Variants in COL11A1 observed in about 807,000 individuals in gnomAD.
The protein encoded by COL11A1 is collagen type XI alpha 1 chain.
A neutral mutation model predicts 265.2 loss-of-function variants in COL11A1; 74 were observed. The ratio of observed to expected loss-of-function variants is 0.28; its 90% CI spans 0.23 to 0.34. COL11A1 has a LOEUF of 0.34. Ranked by LOEUF, COL11A1 falls within the 10% of genes least tolerant of loss-of-function variation. The pLI is 1.00. For synonymous variants in COL11A1, 816 were observed against 727.6 expected (o/e 1.12, Z -1.96); for missense variants, 2,165 against 2,263.6 (o/e 0.96, Z 0.88).
chr1:102,954,673 C>T (rs191153873), intron 41 of COL11A1, among the ~76,000 whole-genome samples: 82 of 152,180 alleles, frequency 5.4e-4, no homozygotes, highest in South Asian at 2.9e-3. Flanking sequence ...AGTGAAACCC[C>T]GTTTCTACGA....
At chr1:102,962,422 C>T (rs1358242979) in intron 39 of COL11A1, among the ~76,000 whole-genome samples, 157 bp from the exon 40 acceptor site, 1 of 152,158 alleles carries the variant, frequency 6.6e-6, no homozygotes, top group East Asian at 1.9e-4. Flanking sequence ...AAATGAACTA[C>T]CCACTACCTA....
intron 4 of COL11A1, among the ~76,000 whole-genome samples, chr1:103,070,045 T>C (rs967285278): frequency 3.3e-5 from 5 of 151,440 alleles, no homozygotes; most frequent in African/African-American, 9.7e-5. Flanking sequence ...AAATAACCCA[T>C]GCATTCCACA....
chr1:102,959,156 T>G (rs527344470), intron 41 of COL11A1, among the ~76,000 whole-genome samples: 9 of 152,324 alleles, frequency 5.9e-5, no homozygotes, highest in African/African-American at 2.2e-4. Context: ...AGATTTGTTT[T>G]CTTAAAACTT....
chr1:103,090,800 A>G (rs1255907953), intron 1 of COL11A1, among the ~76,000 whole-genome samples: 2 of 152,148 alleles, frequency 1.3e-5, no homozygotes, highest in South Asian at 4.1e-4. Context: ...TAGAGCTATA[A>G]TTAAATTGAT....
chr1:102,902,839 TAC>T (rs576817406), intron 54 of COL11A1, among the ~76,000 whole-genome samples: 1 of 149,826 alleles, frequency 6.7e-6, no homozygotes, highest in African/African-American at 2.4e-5. Context: ...TATATATATA[TAC>T]ACACACATAG....
chr1:102,908,221 T>A (rs1654225687), intron 54 of COL11A1, among the ~76,000 whole-genome samples: 1 of 152,140 alleles, frequency 6.6e-6, no homozygotes, highest in Non-Finnish European at 1.5e-5. Flanking sequence ...TTGGCATATT[T>A]TTTTCTATTG....
At chr1:103,042,534 G>A (rs938079381) in intron 4 of COL11A1, among the ~76,000 whole-genome samples, 27 of 151,974 alleles carry the variant, frequency 1.8e-4, no homozygotes, top group Non-Finnish European at 2.5e-4. Context: ...AGACTCTCCC[G>A]CAGGTTGGTT....
intron 4 of COL11A1, among the ~76,000 whole-genome samples, chr1:103,060,819 G>A (rs1670619564): frequency 6.6e-6 from 1 of 151,976 alleles, no homozygotes. Context: ...AAAAGAATCA[G>A]CCAGGCATGG....
intron 28 of COL11A1, among the ~76,000 whole-genome samples, chr1:102,991,253 T>C (rs1407068625): frequency 6.6e-6 from 1 of 152,182 alleles, no homozygotes; most frequent in South Asian, 2.1e-4. Flanking sequence ...TTTGATTTGA[T>C]AATTTCAGAA....
intron 18 of COL11A1, 67 bp downstream of exon 18, chr1:103,005,771 C>A (rs1306743441): frequency 4.4e-6 from 7 of 1,583,518 alleles, no homozygotes; most frequent in Non-Finnish European, 1.7e-6. Context: ...TCTGATTTTG[C>A]AAATTGTTAT....
intron 48 of COL11A1, among the ~76,000 whole-genome samples, chr1:102,921,249 TAC>T (rs1036920864): frequency 6.6e-6 from 1 of 152,176 alleles, no homozygotes; most frequent in Non-Finnish European, 1.5e-5. Flanking sequence ...AATTTTAATA[TAC>T]ACAACATTAT....
intron 46 of COL11A1, among the ~76,000 whole-genome samples, chr1:102,924,070 AAT>A (rs1294430770): frequency 1.3e-5 from 2 of 149,760 alleles, no homozygotes; most frequent in African/African-American, 5.0e-5. Flanking sequence ...AAAAAAAAAA[AAT>A]TAGCCGGGCG....
Position 103,003,201 on chromosome 1 carries a change from C to T in COL11A1, c.1998+14G>A, listed in dbSNP as rs1557930595. On this transcript the variant is annotated intron_variant, in intron 21 of 66. Coordinates refer to ENST00000370096, the MANE Select transcript of COL11A1 (RefSeq NM_001854.4). ...TTTCCCTAGAAAATCTTCAATGTTTCCAGCAATACATACAGGCTGCCCTGG... is the reference window on the plus strand; with the variant it reads ...TTTCCCTAGAAAATCTTCAATGTTTTCAGCAATACATACAGGCTGCCCTGG... 6.2e-7 allele frequency: 1 copy of T among 1,613,138 alleles called. No individual in the cohort carries two copies. The highest frequency in any genetic ancestry group is 8.5e-7 in the Non-Finnish European group (1 of 1,179,642).
At chr1:102,915,603 A>T (rs1351420442) in intron 50 of COL11A1, 28 bp downstream of exon 50, 2 of 1,597,032 alleles carry the variant, frequency 1.3e-6, no homozygotes, top group Admixed American at 1.7e-5. Flanking sequence ...CCAATAATAC[A>T]CTATGTTAAC....
chr1:103,059,859 C>T (rs769002941), intron 4 of COL11A1, among the ~76,000 whole-genome samples: 2 of 151,920 alleles, frequency 1.3e-5, no homozygotes, highest in African/African-American at 2.4e-5. Context: ...CAAAACTAAA[C>T]AGGATATCTA....
chr1:102,942,542 ACCAC>A (rs1396662999), intron 42 of COL11A1, among the ~76,000 whole-genome samples: 1 of 139,050 alleles, frequency 7.2e-6, no homozygotes, highest in Non-Finnish European at 1.6e-5. Flanking sequence ...TCTTTATTTC[ACCAC>A]TTCTAACATT....
Position 102,898,530 on chromosome 1 carries a change from T to A in COL11A1, c.4248+136A>T, listed in dbSNP as rs1467074276. ...TATATGAAGAATATCTTTTTTACATTATATTTACAGAATTCCCACAAAATT... is the reference window on the plus strand; with the variant it reads ...TATATGAAGAATATCTTTTTTACATAATATTTACAGAATTCCCACAAAATT... On this transcript the variant is annotated intron_variant, in intron 56 of 66. Coordinates refer to ENST00000370096, the MANE Select transcript of COL11A1 (RefSeq NM_001854.4). 9.2e-6 allele frequency: 6 copies of A among 649,866 alleles called. No individual in the cohort carries two copies. The Admixed American group carries it at 1.3e-4, about 14-fold the overall frequency. 40.3% of individuals were successfully genotyped at this position (649,866 alleles called of 1,614,324 possible).
intron 4 of COL11A1, among the ~76,000 whole-genome samples, chr1:103,042,653 C>A (rs1668902873): frequency 6.6e-6 from 1 of 151,934 alleles, no homozygotes; most frequent in South Asian, 2.1e-4. Context: ...AGTCTGGGAC[C>A]CTTATCACTA....
intron 4 of COL11A1, among the ~76,000 whole-genome samples, chr1:103,063,842 A>G (rs1670861138): frequency 6.6e-6 from 1 of 152,212 alleles, no homozygotes; most frequent in Non-Finnish European, 1.5e-5. Context: ...AACATACAAA[A>G]AGTTCAATAT....
Sources: allele counts gnomAD v4.1 joint callset (sites outside exome capture counted in the v4.1 genomes callset), GRCh38; gene constraint gnomAD v4.1.1; transcripts MANE v1.5; gene names NCBI Gene and HGNC (gene_info 2026-07-23, HGNC 2026-07-21).